Variants in LINGO2 observed in about 807,000 individuals in gnomAD.
The protein encoded by LINGO2 is leucine-rich repeat and immunoglobulin-like domain-containing nogo receptor-interacting protein 2.
In LINGO2, 14 loss-of-function variants were observed where a neutral mutation model predicts 30.6. That is an observed-to-expected ratio of 0.46 (90% CI 0.30 to 0.72). The LOEUF (loss-of-function observed/expected upper bound fraction) is 0.72, where lower values mean the gene tolerates loss of function less well. Ranked by LOEUF, LINGO2 falls within the 30% of genes least tolerant of loss-of-function variation. The pLI, the probability that LINGO2 is intolerant of heterozygous loss-of-function variation, is 0.07. For missense variants in LINGO2, 729 were observed against 751.7 expected (o/e 0.97, Z 0.35); for synonymous variants, 317 against 288.5 (o/e 1.10, Z -1.00).
At chr9:28,777,986 A>G in the LINGO2 span, among the ~76,000 whole-genome samples, 1 of 152,184 alleles carries the variant, frequency 6.6e-6, no homozygotes, top group Non-Finnish European at 1.5e-5. Context: ...TTTGATGGGT[A>G]CCATGAGGAC....
At chr9:29,047,003 C>CA in the LINGO2 span, among the ~76,000 whole-genome samples, 1,333 of 12,388 alleles carry the variant, frequency 0.11, 34 homozygotes, top group African/African-American at 0.19. Context: ...CACTTGAATC[C>CA]GGGCACTCCA....
the LINGO2 span, among the ~76,000 whole-genome samples, chr9:28,720,540 A>G: frequency 1.3e-5 from 2 of 152,032 alleles, no homozygotes; most frequent in Admixed American, 6.6e-5. Flanking sequence ...TCATATGTGT[A>G]AAAAATTTCT....
intron 3 of LINGO2, among the ~76,000 whole-genome samples, chr9:28,299,244 T>C (rs1410866168): frequency 6.6e-6 from 1 of 152,160 alleles, no homozygotes; most frequent in Non-Finnish European, 1.5e-5. Flanking sequence ...CTTGATATAT[T>C]CTGGAAGCTT....
the LINGO2 span, among the ~76,000 whole-genome samples, chr9:28,885,193 T>G: frequency 4.7e-5 from 7 of 148,038 alleles, no homozygotes; most frequent in African/African-American, 1.5e-4. Flanking sequence ...AGGGAGACCC[T>G]GCATTGTCCC....
the LINGO2 span, among the ~76,000 whole-genome samples, chr9:28,792,323 T>G: frequency 1.3e-5 from 2 of 152,006 alleles, no homozygotes. Flanking sequence ...ATTTGTATTT[T>G]AACCATAAAT....
chr9:28,268,634 A>T (rs1304991933), intron 4 of LINGO2, among the ~76,000 whole-genome samples: 1 of 152,132 alleles, frequency 6.6e-6, no homozygotes, highest in African/African-American at 2.4e-5. Flanking sequence ...GATTTATATC[A>T]AATTACATGA....
chr9:28,997,990 A>G, the LINGO2 span, among the ~76,000 whole-genome samples: 3 of 152,190 alleles, frequency 2.0e-5, no homozygotes, highest in Non-Finnish European at 2.9e-5. Flanking sequence ...CAGACTTTAC[A>G]AGAGAGTAAA....
At chr9:28,986,168 T>C in the LINGO2 span, among the ~76,000 whole-genome samples, 1 of 152,044 alleles carries the variant, frequency 6.6e-6, no homozygotes, top group Non-Finnish European at 1.5e-5. Flanking sequence ...ATTGACTGTA[T>C]ATGCCTTGGT....
chr9:28,818,410 G>A, the LINGO2 span, among the ~76,000 whole-genome samples: 1 of 152,096 alleles, frequency 6.6e-6, no homozygotes, highest in Non-Finnish European at 1.5e-5. Flanking sequence ...TTGAGATGAA[G>A]TCTTGCTCTT....
the LINGO2 span, among the ~76,000 whole-genome samples, chr9:28,686,567 C>T: frequency 4.5e-4 from 69 of 152,010 alleles, no homozygotes; most frequent in Admixed American, 1.1e-3. Context: ...TTTCAAACTA[C>T]GTAGATATAT....
the LINGO2 span, among the ~76,000 whole-genome samples, chr9:28,824,106 A>C: frequency 6.6e-6 from 1 of 152,170 alleles, no homozygotes; most frequent in South Asian, 2.1e-4. Flanking sequence ...TTATTCGCTC[A>C]TGCCTGTGAA....
the LINGO2 span, among the ~76,000 whole-genome samples, chr9:29,030,846 C>A: frequency 6.6e-6 from 1 of 152,034 alleles, no homozygotes; most frequent in Non-Finnish European, 1.5e-5. Context: ...TGCAAGTGTA[C>A]CTTATCAATT....
At chr9:28,919,345 T>C in the LINGO2 span, among the ~76,000 whole-genome samples, 3 of 152,164 alleles carry the variant, frequency 2.0e-5, no homozygotes, top group East Asian at 5.8e-4. Context: ...ATTTTCTGCC[T>C]CAGTAGTTGG....
chr9:28,642,514 G>A (rs1174937575), intron 1 of LINGO2, among the ~76,000 whole-genome samples: 1 of 152,098 alleles, frequency 6.6e-6, no homozygotes, highest in Non-Finnish European at 1.5e-5. Context: ...TTTGGGGCAA[G>A]AGTTATTTAG....
the LINGO2 span, among the ~76,000 whole-genome samples, chr9:28,813,208 C>A: frequency 1.3e-5 from 2 of 151,928 alleles, no homozygotes; most frequent in African/African-American, 4.8e-5. Context: ...GTAGCCCAGC[C>A]CCCCCCAATT....
intron 3 of LINGO2, among the ~76,000 whole-genome samples, chr9:28,348,965 A>C (rs866713859): frequency 1.3e-4 from 19 of 151,060 alleles, no homozygotes; most frequent in Non-Finnish European, 2.5e-4. Context: ...AAACTAACAA[A>C]CAGAAAGGAC....
intron 1 of LINGO2, among the ~76,000 whole-genome samples, chr9:28,489,135 A>C (rs781588322): frequency 1.2e-4 from 18 of 152,330 alleles, no homozygotes; most frequent in African/African-American, 3.8e-4. Flanking sequence ...TCTGGCATAA[A>C]TTGTCAGTTT....
chr9:28,852,912 A>T, the LINGO2 span, among the ~76,000 whole-genome samples: 2 of 152,000 alleles, frequency 1.3e-5, no homozygotes, highest in Non-Finnish European at 2.9e-5. Context: ...CTCATTTATA[A>T]AACACTCTCT....
chr9:28,111,457 T>C (rs541753608), intron 4 of LINGO2, among the ~76,000 whole-genome samples: 23 of 151,998 alleles, frequency 1.5e-4, no homozygotes, highest in Non-Finnish European at 3.2e-4. Context: ...GTTCCTCCTA[T>C]GTGAGTTTAC....
Sources: allele counts gnomAD v4.1 joint callset (sites outside exome capture counted in the v4.1 genomes callset), GRCh38; gene constraint gnomAD v4.1.1; transcripts MANE v1.5; gene names NCBI Gene and HGNC (gene_info 2026-07-23, HGNC 2026-07-21).